The following SLC4A10 variants were observed in gnomAD, a reference collection of about 807,000 sequenced individuals.
The protein encoded by SLC4A10 is solute carrier family 4 member 10.
In SLC4A10, 42 loss-of-function variants were observed where a neutral mutation model predicts 137.7. The ratio of observed to expected loss-of-function variants is 0.30; its 90% confidence interval spans 0.24 to 0.39. The LOEUF (loss-of-function observed/expected upper bound fraction) is 0.39. Ranked by LOEUF, SLC4A10 falls within the 10% of genes least tolerant of loss-of-function variation. SLC4A10 has a pLI of 1.00. For missense variants in SLC4A10, 925 were observed against 1,355.0 expected, an observed-to-expected ratio of 0.68 and a Z score of 4.98; for synonymous variants, 474 against 464.1, an observed-to-expected ratio of 1.02 and a Z score of -0.27.
At chr2:161,711,126 T>G (rs748665714) in intron 1 of SLC4A10, among the ~76,000 whole-genome samples, 2 of 151,808 alleles carry the variant, frequency 1.3e-5, no homozygotes, top group Non-Finnish European at 2.9e-5. Flanking sequence ...TTAGAGTGCA[T>G]AGTTTCTCGT....
At chr2:161,917,319 C>A (rs1687288688) in intron 15 of SLC4A10, among the ~76,000 whole-genome samples, 1 of 152,054 alleles carries the variant, frequency 6.6e-6, no homozygotes, top group Non-Finnish European at 1.5e-5. Flanking sequence ...GCTTCACATG[C>A]AGGTCTTTAT....
rs189580533 is a variant in SLC4A10 at position 161,699,229 on chromosome 2, C to T, written c.49-71744C>T. On this transcript the variant is annotated intron_variant, in intron 1 of 26. Coordinates refer to ENST00000446997, the MANE Select transcript of SLC4A10 (RefSeq NM_001178015.2). ...TAGAGACGGGGTTTCACTGTGTTAGCGAAGATGGTCTCGATCTCCTGACCT... is the reference window on the plus strand; with the variant it reads ...TAGAGACGGGGTTTCACTGTGTTAGTGAAGATGGTCTCGATCTCCTGACCT... Among the ~76,000 whole-genome samples the T allele has an allele frequency of 3.0e-3, 451 of 152,156 alleles. 3 individuals are homozygous for T. The highest frequency in any genetic ancestry group is 0.01 in the African/African-American group (426 of 41,522).
At chr2:161,814,427 C>T (rs1269837439) in intron 3 of SLC4A10, among the ~76,000 whole-genome samples, 2 of 152,050 alleles carry the variant, frequency 1.3e-5, no homozygotes, top group African/African-American at 2.4e-5. Flanking sequence ...CATTACTGGG[C>T]ATATACCCAA....
In SLC4A10 at chr2:161,918,909, C is replaced by T. The variant is rs188871341; in HGVS notation, c.1997+13022C>T. ...CTGAGTTGGTGGGGTGGGAGCCCTG[C>T]GCTCCCTGGTGCAACTGCAGCTGCC... On this transcript the variant is annotated intron_variant, in intron 15 of 26. Transcript: ENST00000446997. 8.5e-5 allele frequency among the ~76,000 whole-genome samples: 13 copies of T among 152,298 alleles called. 1 individual carries two copies. The highest frequency in any genetic ancestry group is 5.8e-4 in the East Asian group (3 of 5,174).
chr2:161,759,220 T>C (rs2049985803), intron 1 of SLC4A10, among the ~76,000 whole-genome samples: 1 of 151,972 alleles, frequency 6.6e-6, no homozygotes, highest in Admixed American at 6.6e-5. Flanking sequence ...ATAAAAACTG[T>C]GTATATTCAA....
At chr2:161,738,237 G>A (rs1195494841) in intron 1 of SLC4A10, among the ~76,000 whole-genome samples, 1 of 152,260 alleles carries the variant, frequency 6.6e-6, no homozygotes, top group Admixed American at 6.5e-5. Context: ...TGATCCTGGG[G>A]GTCACTAGAA....
intron 1 of SLC4A10, among the ~76,000 whole-genome samples, chr2:161,686,478 G>A (rs886758584): frequency 5.3e-5 from 8 of 152,118 alleles, no homozygotes; most frequent in Non-Finnish European, 1.0e-4. Context: ...GATCTTAATT[G>A]TCTCATTCTT....
In SLC4A10 at chr2:161,950,938, C is replaced by G. The variant is rs1022302288; in HGVS notation, c.2541+90C>G. On this transcript the variant is annotated intron_variant, in intron 19 of 26. Coordinates refer to ENST00000446997, the MANE Select transcript of SLC4A10 (RefSeq NM_001178015.2). Reference sequence around the variant, plus strand: ...GACTTCTATATTCTGTATTCATTTGCACAGTGAAATATATAAAATAATGTT... The same window carrying G: ...GACTTCTATATTCTGTATTCATTTGGACAGTGAAATATATAAAATAATGTT... 6.8e-6 allele frequency: 7 copies of G among 1,036,958 alleles called. No homozygotes were observed. The African/African-American group carries it at 9.8e-5, about 15-fold the overall frequency. 64.2% of individuals were successfully genotyped at this position (1,036,958 alleles called of 1,614,324 possible). A position where few individuals can be genotyped will look rare whatever the true frequency, so the allele number is the denominator to read the frequency against.
At chr2:161,736,088 T>A (rs1473100256) in intron 1 of SLC4A10, among the ~76,000 whole-genome samples, 1 of 152,110 alleles carries the variant, frequency 6.6e-6, no homozygotes, top group Non-Finnish European at 1.5e-5. Context: ...AAAAATAGAT[T>A]TTATAGTTTT....
intron 3 of SLC4A10, among the ~76,000 whole-genome samples, chr2:161,815,328 C>G (rs936682715): frequency 1.3e-5 from 2 of 152,106 alleles, no homozygotes; most frequent in Non-Finnish European, 2.9e-5. Flanking sequence ...AGTGATTTCT[C>G]ATGAGATCTG....
At chr2:161,974,811 A>G (rs757434016) in intron 24 of SLC4A10, among the ~76,000 whole-genome samples, 4 of 152,162 alleles carry the variant, frequency 2.6e-5, no homozygotes, top group Admixed American at 6.5e-5. Context: ...AATCTTCTTT[A>G]TGTACAAAGA....
intron 1 of SLC4A10, among the ~76,000 whole-genome samples, chr2:161,628,974 A>G (rs2033002396): frequency 6.6e-6 from 1 of 152,028 alleles, no homozygotes; most frequent in African/African-American, 2.4e-5. Flanking sequence ...TCAGAATACA[A>G]TGATACTTCC....
At chr2:161,795,370 C>T (rs2054650349) in intron 2 of SLC4A10, among the ~76,000 whole-genome samples, 1 of 151,986 alleles carries the variant, frequency 6.6e-6, no homozygotes, top group Middle Eastern at 3.4e-3. Flanking sequence ...GGGGCAATTG[C>T]TTTTTTTGTT....
At chr2:161,905,548 A>T (rs1054874143) in intron 14 of SLC4A10, 94 bp from the exon 15 acceptor site, 17 of 1,482,522 alleles carry the variant, frequency 1.1e-5, no homozygotes, top group African/African-American at 1.1e-4. Flanking sequence ...ATTTACTTTC[A>T]CTTCCTGAAT....
intron 1 of SLC4A10, among the ~76,000 whole-genome samples, chr2:161,754,101 C>T (rs2049316170): frequency 1.3e-5 from 2 of 151,676 alleles, no homozygotes; most frequent in African/African-American, 2.4e-5. Flanking sequence ...TATGTGGCCC[C>T]GGGGTTTGGC....
At chr2:161,850,030 T>C (rs1331662062) in intron 4 of SLC4A10, among the ~76,000 whole-genome samples, 1 of 152,058 alleles carries the variant, frequency 6.6e-6, no homozygotes, top group Non-Finnish European at 1.5e-5. Context: ...TTTTTTCTGG[T>C]TGATAGGTTT....
intron 1 of SLC4A10, among the ~76,000 whole-genome samples, chr2:161,638,876 T>TAA (rs35741632): frequency 0.017 from 2,509 of 151,168 alleles, 39 homozygotes; most frequent in Middle Eastern, 0.038. Flanking sequence ...TTTTTTAAGA[T>TAA]AAAAAAAGAC....
chr2:161,976,926 G>A, intron 25 of SLC4A10, 50 bp downstream of exon 25: 1 of 960,694 alleles, frequency 1.0e-6, no homozygotes, highest in Non-Finnish European at 1.5e-6. Context: ...ATTGTTTTTT[G>A]ACATAAACCA....
At chr2:161,641,627 A>T (rs943628298) in intron 1 of SLC4A10, among the ~76,000 whole-genome samples, 1 of 152,106 alleles carries the variant, frequency 6.6e-6, no homozygotes, top group Admixed American at 6.5e-5. Flanking sequence ...TAGATTTTTA[A>T]CATATTCATT....
Sources: allele counts gnomAD v4.1 joint callset (sites outside exome capture counted in the v4.1 genomes callset), GRCh38; gene constraint gnomAD v4.1.1; transcripts MANE v1.5; gene names NCBI Gene and HGNC (gene_info 2026-07-23, HGNC 2026-07-21).